CDKL5: variants seen among roughly 807,000 people sequenced by gnomAD.
CDKL5 encodes the protein cyclin-dependent kinase-like 5.
In CDKL5, 8 loss-of-function variants were observed where a neutral mutation model predicts 61.7. The observed-to-expected ratio is 0.13, with a 90% CI of 0.08 to 0.23. CDKL5 has a LOEUF of 0.23. Among genes scored for constraint, CDKL5 ranks in the 10% least tolerant of loss-of-function variants. The probability of loss-of-function intolerance (pLI) is 1.00; values close to 1 mark genes in which losing one functional copy is unlikely to be tolerated. For missense variants in CDKL5, 440 were observed against 734.5 expected (o/e 0.60, Z 4.63); for synonymous variants, 275 against 272.3 (o/e 1.01, Z -0.10).
At chrX:18,499,697 C>T (rs1005766011) in intron 1 of CDKL5, among the ~76,000 whole-genome samples, 3 of 111,850 alleles carry the variant, frequency 2.7e-5, no homozygotes, top group Non-Finnish European at 3.8e-5. Flanking sequence ...TCAACCCTAC[C>T]GTTGTTTTGT....
intron 12 of CDKL5, among the ~76,000 whole-genome samples, chrX:18,607,054 T>G (rs1445869594): frequency 9.0e-6 from 1 of 111,479 alleles, no homozygotes; most frequent in Non-Finnish European, 1.9e-5. Flanking sequence ...CTCAGAGAAG[T>G]TGGGTGAGTT....
chrX:18,539,972 T>C (rs774466104), intron 3 of CDKL5, among the ~76,000 whole-genome samples: 1 of 112,266 alleles, frequency 8.9e-6, no homozygotes, highest in Non-Finnish European at 1.9e-5. Flanking sequence ...GTATTTCTTC[T>C]ACGTACATTG....
rs867604991 is a variant in CDKL5 at position 18,597,573 on chromosome X, C to T, written c.826-889C>T. ...AAACCAAAAAATTAGAGTTGAGGCT[C>T]TTTGCTGCTACAGAATGATTTTTTT... On this transcript the variant is annotated intron_variant, in intron 10 of 17. Transcript: ENST00000623535. Among the ~76,000 whole-genome samples, 177 of 101,721 alleles carry T rather than the reference C, an allele frequency of 1.7e-3. 1 individual carries two copies. The highest frequency in any genetic ancestry group is 5.0e-3 in the Middle Eastern group (1 of 202). 88.3% of individuals were successfully genotyped at this position (101,721 alleles called of 115,157 possible). A position where few individuals can be genotyped will look rare whatever the true frequency, so the allele number is the denominator to read the frequency against.
chrX:18,565,595 A>T (rs2147132992), intron 4 of CDKL5, among the ~76,000 whole-genome samples: 1 of 112,212 alleles, frequency 8.9e-6, no homozygotes, highest in South Asian at 3.7e-4. Flanking sequence ...GTGATGTAAG[A>T]CACCAGCCTC....
chrX:18,633,973 A>T lies in CDKL5; in HGVS notation c.*5216A>T. On this transcript the variant is annotated 3_prime_UTR_variant, in exon 18 of 18. Transcript: ENST00000623535. ...AGTTTGTCTCATTTTGCCAGAAAAA[A>T]ATTGTAATAGTCGGCACGCTGGATT... 6 of 754,205 alleles carry T rather than the reference A, an allele frequency of 8.0e-6. No individual in the cohort carries two copies. The highest frequency in any genetic ancestry group is 9.4e-6 in the Non-Finnish European group (6 of 639,373). The allele number at this position is 754,205 out of a possible 1,213,427, so 62.2% of individuals were successfully genotyped here. A position where few individuals can be genotyped will look rare whatever the true frequency, so the allele number is the denominator to read the frequency against.
chrX:18,541,025 T>C (rs894765488), intron 3 of CDKL5, among the ~76,000 whole-genome samples: 1 of 112,078 alleles, frequency 8.9e-6, no homozygotes, highest in African/African-American at 3.2e-5. Context: ...TTGTGCTGTT[T>C]CCTTTTAGCC....
intron 4 of CDKL5, among the ~76,000 whole-genome samples, chrX:18,566,039 A>G (rs990074429): frequency 1.8e-5 from 2 of 112,382 alleles, no homozygotes; most frequent in East Asian, 5.6e-4. Context: ...GCATGCATGT[A>G]AAGGCTTCTG....
rs371847235 is a variant in CDKL5, at chrX:18,650,488, C to G, written c.2876C>G (p.Ser959Cys). ...AACCGAGCCCTTCATCGTCCAATCT[C>G]CAGTCCTGCTCCCTATCCAGTACTC... Residue 959 changes from serine to cysteine, a missense_variant, in exon 21 of 22, where the codon TCC (serine) becomes TGC (cysteine). Physicochemically the swap from Ser to Cys is moderately radical, Grantham distance 112. Transcript: ENST00000379989. 3.3e-6 allele frequency: 4 copies of G among 1,210,434 alleles called. No homozygotes were observed. The highest frequency in any genetic ancestry group is 3.5e-5 in the African/African-American group (2 of 57,340).
rs752397391 is a variant in CDKL5 at position 18,430,119 on chromosome X, A to G, written c.-163+4424A>G. Among the ~76,000 whole-genome samples, 8 of 112,157 alleles carry G rather than the reference A, an allele frequency of 7.1e-5. No homozygotes were observed. In the South Asian group the frequency reaches 2.2e-3, roughly 31 times the overall value. On this transcript the variant is annotated intron_variant, in intron 1 of 17. Coordinates refer to ENST00000623535, the MANE Select transcript of CDKL5 (RefSeq NM_001323289.2). ...ACAATTGGAAGTGCAGACTTTTCTA[A>G]CCAGAGGGTCAGACTTTTCTAACAG...
intron 1 of CDKL5, among the ~76,000 whole-genome samples, chrX:18,477,751 T>G (rs1228776024): frequency 1.8e-5 from 2 of 112,133 alleles, no homozygotes; most frequent in Non-Finnish European, 3.8e-5. Context: ...TTTTGTGATG[T>G]TATTATACAT....
intron 4 of CDKL5, among the ~76,000 whole-genome samples, chrX:18,564,839 C>T (rs1169254466): frequency 9.0e-6 from 1 of 110,908 alleles, no homozygotes; most frequent in East Asian, 2.8e-4. Flanking sequence ...TATGCTGTTT[C>T]TAAATATTAT....
At chrX:18,578,529 AT>A (rs1469966432) in intron 5 of CDKL5, among the ~76,000 whole-genome samples, 1 of 112,223 alleles carries the variant, frequency 8.9e-6, no homozygotes, top group Non-Finnish European at 1.9e-5. Flanking sequence ...TATTTTATCT[AT>A]TAGTGTTTCT....
At chrX:18,433,455 CAGA>C (rs1931544554) in intron 1 of CDKL5, among the ~76,000 whole-genome samples, 2 of 111,244 alleles carry the variant, frequency 1.8e-5, no homozygotes, top group African/African-American at 6.5e-5. Flanking sequence ...GAGCCTGAGG[CAGA>C]AGAATTGCTT....
intron 3 of CDKL5, among the ~76,000 whole-genome samples, chrX:18,561,999 T>C (rs1167053028): frequency 5.4e-5 from 6 of 111,740 alleles, no homozygotes; most frequent in Non-Finnish European, 3.8e-5. Flanking sequence ...AAAACTCTAG[T>C]GATCACAACA....
intron 3 of CDKL5, among the ~76,000 whole-genome samples, chrX:18,531,957 C>T (rs1171441980): frequency 1.8e-5 from 2 of 110,227 alleles, no homozygotes; most frequent in African/African-American, 3.3e-5. Context: ...CCACCCGCCT[C>T]GGCCTCCCAA....
chrX:18,483,186 A>G (rs1018284131), intron 1 of CDKL5, among the ~76,000 whole-genome samples: 1 of 111,568 alleles, frequency 9.0e-6, no homozygotes, highest in African/African-American at 3.3e-5. Flanking sequence ...TGTGGCTTCT[A>G]TGCATCAGAG....
chrX:18,456,040 C>T (rs1255990004), intron 1 of CDKL5, among the ~76,000 whole-genome samples: 1 of 108,991 alleles, frequency 9.2e-6, no homozygotes, highest in African/African-American at 3.3e-5. Context: ...CAATCTTTTT[C>T]TTTCTTTCTT....
intron 11 of CDKL5, among the ~76,000 whole-genome samples, chrX:18,602,359 A>G (rs1004065291): frequency 4.4e-5 from 5 of 112,398 alleles, no homozygotes; most frequent in Admixed American, 2.8e-4. Flanking sequence ...AAACAACTCA[A>G]TGGTTTAAAA....
intron 20 of CDKL5, among the ~76,000 whole-genome samples, chrX:18,648,570 C>T (rs1307762276): frequency 9.0e-6 from 1 of 111,585 alleles, no homozygotes; most frequent in East Asian, 2.9e-4. Flanking sequence ...AAAGAGCTCT[C>T]CTTTTATTGG....
Sources: gnomAD v4.1 joint callset for allele counts (sites outside exome capture counted in the v4.1 genomes callset) on GRCh38, gnomAD v4.1.1 for gene constraint, MANE v1.5 for transcripts, NCBI Gene and HGNC (gene_info 2026-07-23, HGNC 2026-07-21) for gene names.